SLIT1: variants seen among roughly 807,000 people sequenced by gnomAD.
The protein encoded by SLIT1 is slit homolog 1 protein.
A neutral mutation model predicts 186.1 loss-of-function variants in SLIT1; 66 were observed. The observed-to-expected ratio is 0.35, with a 90% CI of 0.29 to 0.44. SLIT1 has a LOEUF of 0.44. Among genes scored for constraint, SLIT1 ranks in the 20% least tolerant of loss-of-function variants. The probability of loss-of-function intolerance (pLI) is 1.00; values close to 1 mark genes in which losing one functional copy is unlikely to be tolerated. For synonymous variants in SLIT1, 761 were observed against 833.8 expected (o/e 0.91, Z 1.50); for missense variants, 1,638 against 2,037.4 (o/e 0.80, Z 3.77).
At chr10:97,124,543 T>C (rs1849587541) in intron 4 of SLIT1, among the ~76,000 whole-genome samples, 1 of 152,204 alleles carries the variant, frequency 6.6e-6, no homozygotes, top group African/African-American at 2.4e-5. Context: ...AAATGTACAC[T>C]GGGGTGCGCA....
chr10:97,040,765 C>T (rs547934169), intron 20 of SLIT1, among the ~76,000 whole-genome samples: 1 of 152,212 alleles, frequency 6.6e-6, no homozygotes, highest in Non-Finnish European at 1.5e-5. Context: ...CACACCATCC[C>T]TTCATTGATT....
At position 97,096,680 on chromosome 10, in the gene SLIT1, G is replaced by A. The variant is rs180853135; in HGVS notation, c.414-30594C>T. On this transcript the variant is annotated intron_variant, in intron 4 of 36. Transcript: ENST00000266058. ...CAGCACAGCCCACCCGCCCCAGCTCGACCCCGAGAGAGGGGAGGCGGAGAG... is the reference window on the plus strand; with the variant it reads ...CAGCACAGCCCACCCGCCCCAGCTCAACCCCGAGAGAGGGGAGGCGGAGAG... Among the ~76,000 whole-genome samples the A allele has an allele frequency of 1.1e-4, 17 of 151,824 alleles. 1 individual carries two copies. Among genetic ancestry groups the A allele is most frequent in the Admixed American group, 5.2e-4 (8 of 15,254 alleles).
At chr10:97,096,944 C>T (rs1297021010) in intron 4 of SLIT1, among the ~76,000 whole-genome samples, 1 of 152,228 alleles carries the variant, frequency 6.6e-6, no homozygotes, top group South Asian at 2.1e-4. Flanking sequence ...ACCGCCCAAC[C>T]AGCTGTCTGC....
intron 10 of SLIT1, 109 bp downstream of exon 10, chr10:97,059,978 C>T: frequency 2.1e-6 from 2 of 948,880 alleles, no homozygotes; most frequent in Non-Finnish European, 3.5e-6. Flanking sequence ...CTGGCCAAGG[C>T]CACTCAGCTG....
intron 18 of SLIT1, among the ~76,000 whole-genome samples, chr10:97,044,128 G>A (rs534803071): frequency 2.0e-4 from 30 of 152,350 alleles, no homozygotes; most frequent in Non-Finnish European, 3.5e-4. Context: ...CAAGCCTGAT[G>A]CAGTGGCTCA....
In SLIT1 at chr10:97,185,687, GC is replaced by G; in HGVS notation, c.-14del. 6.7e-7 allele frequency: 1 copy of G among 1,494,262 alleles called. No individual in the cohort carries two copies. The highest frequency in any genetic ancestry group is 8.8e-7 in the Non-Finnish European group (1 of 1,129,968). The allele number at this position is 1,494,262 out of a possible 1,614,324, so 92.6% of individuals were successfully genotyped here. ...GAGTCAGCGCCATGGTGCCCTCACA[GC>G]GTCCCGCTCGCGAGCCAGACGGCAG... On this transcript the variant is annotated 5_prime_UTR_variant, in exon 1 of 37. The change creates a premature stop within an existing upstream ORF in the 5' untranslated region. Transcript: ENST00000266058.
chr10:97,093,639 A>G (rs2134664888), intron 4 of SLIT1, among the ~76,000 whole-genome samples: 1 of 152,270 alleles, frequency 6.6e-6, no homozygotes, highest in African/African-American at 2.4e-5. Context: ...CTCCCAGCTG[A>G]CTCTGGAGCT....
At chr10:97,069,202 T>G (rs1848980303) in intron 4 of SLIT1, among the ~76,000 whole-genome samples, 1 of 152,198 alleles carries the variant, frequency 6.6e-6, no homozygotes, top group Non-Finnish European at 1.5e-5. Context: ...CTGCCCACAC[T>G]GGAGCTCATG....
At chr10:97,060,047 C>A in intron 10 of SLIT1, 40 bp downstream of exon 10, 1 of 1,539,712 alleles carries the variant, frequency 6.5e-7, no homozygotes, top group Non-Finnish European at 9.0e-7. Context: ...TCTCCGTCAG[C>A]CCTGTACCAG....
At chr10:97,147,838 C>G (rs1214790206) in intron 4 of SLIT1, among the ~76,000 whole-genome samples, 1 of 152,196 alleles carries the variant, frequency 6.6e-6, no homozygotes, top group Non-Finnish European at 1.5e-5. Context: ...CCCCTGCTCA[C>G]AGGGAACTGC....
chr10:97,105,282 T>C (rs71486106), intron 4 of SLIT1, among the ~76,000 whole-genome samples: 4,577 of 152,222 alleles, frequency 0.03, 103 homozygotes, highest in Non-Finnish European at 0.046. Context: ...TTTGACAAGA[T>C]AAAAACAGGT....
intron 4 of SLIT1, among the ~76,000 whole-genome samples, chr10:97,084,597 CTCTTTTCTTT>C (rs67508980): frequency 1.7e-4 from 25 of 147,592 alleles, no homozygotes; most frequent in Non-Finnish European, 2.4e-4. Context: ...TTCTTTTCTT[CTCTTTTCTTT>C]TCTTTTCTTT....
intron 31 of SLIT1, among the ~76,000 whole-genome samples, chr10:97,009,299 G>A (rs977849286): frequency 2.6e-4 from 39 of 152,332 alleles, no homozygotes; most frequent in African/African-American, 8.4e-4. Flanking sequence ...TAGTCATACA[G>A]ATTAATGGAA....
chr10:97,164,712 T>C, intron 2 of SLIT1, 107 bp downstream of exon 2: 2 of 822,506 alleles, frequency 2.4e-6, no homozygotes, highest in Admixed American at 1.8e-5. Context: ...GACTCCGTGG[T>C]AGAGGGGCCC....
intron 10 of SLIT1, 48 bp from the exon 11 acceptor site, chr10:97,059,579 C>T (rs1486546087): frequency 1.4e-6 from 2 of 1,446,366 alleles, no homozygotes; most frequent in Non-Finnish European, 1.9e-6. Flanking sequence ...CCTCAACAGC[C>T]ACTAAGCCCT....
At chr10:97,108,416 A>G (rs1849434008) in intron 4 of SLIT1, among the ~76,000 whole-genome samples, 1 of 152,178 alleles carries the variant, frequency 6.6e-6, no homozygotes, top group Non-Finnish European at 1.5e-5. Context: ...AGAAAATGTG[A>G]GCTTTCATGC....
intron 1 of SLIT1, among the ~76,000 whole-genome samples, chr10:97,174,530 G>T (rs1850231699): frequency 6.6e-6 from 1 of 152,254 alleles, no homozygotes; most frequent in Non-Finnish European, 1.5e-5. Flanking sequence ...CATGTGACCA[G>T]TGGGGAAGCC....
At position 97,001,027 on chromosome 10, in the gene SLIT1, C is replaced by T. The variant is rs1046543638; in HGVS notation, c.*85G>A. On this transcript the variant is annotated 3_prime_UTR_variant, in exon 37 of 37. Coordinates refer to ENST00000266058, the MANE Select transcript of SLIT1 (RefSeq NM_003061.3). Reference sequence around the variant, plus strand: ...GGAGCCGTCCTGTGATGACCTGCACCCCAGCCCAGCTGCTGGCGACTGTCT... The same window carrying T: ...GGAGCCGTCCTGTGATGACCTGCACTCCAGCCCAGCTGCTGGCGACTGTCT... 14 of 1,142,112 alleles carry T rather than the reference C, an allele frequency of 1.2e-5. No homozygotes were observed. The highest frequency in any genetic ancestry group is 1.5e-5 in the African/African-American group (1 of 65,760). 70.7% of individuals were successfully genotyped at this position (1,142,112 alleles called of 1,614,324 possible).
chr10:97,095,141 G>A (rs1239994072), intron 4 of SLIT1, among the ~76,000 whole-genome samples: 1 of 152,184 alleles, frequency 6.6e-6, no homozygotes, highest in East Asian at 1.9e-4. Flanking sequence ...AAGTTAGTCA[G>A]GCATGGTAGT....
Sources: allele counts gnomAD v4.1 joint callset (sites outside exome capture counted in the v4.1 genomes callset), GRCh38; gene constraint gnomAD v4.1.1; transcripts MANE v1.5; gene names NCBI Gene and HGNC (gene_info 2026-07-23, HGNC 2026-07-21).